The following SLC35F1 variants were observed in gnomAD, a reference collection of about 807,000 sequenced individuals.
SLC35F1 encodes the protein chromosome 6 open reading frame 169.
In SLC35F1, 14 loss-of-function variants were observed where a neutral mutation model predicts 48.7. That is an observed-to-expected ratio of 0.29 (90% confidence interval 0.19 to 0.45). The LOEUF is 0.45. Among genes scored for constraint, SLC35F1 ranks in the 20% least tolerant of loss-of-function variants. The pLI, the probability that SLC35F1 is intolerant of heterozygous loss-of-function variation, is 1.00. For missense variants in SLC35F1, 404 were observed against 500.0 expected, an observed-to-expected ratio of 0.81 and a Z score of 1.83; for synonymous variants, 190 against 202.2, an observed-to-expected ratio of 0.94 and a Z score of 0.51.
intron 1 of SLC35F1, among the ~76,000 whole-genome samples, chr6:117,908,205 C>T (rs1432561164): frequency 2.0e-5 from 3 of 152,242 alleles, no homozygotes; most frequent in African/African-American, 7.2e-5. Context: ...CATACGCGTG[C>T]CGCCTCACTT....
At chr6:117,963,790 AT>A (rs919800610) in intron 1 of SLC35F1, among the ~76,000 whole-genome samples, 3 of 151,588 alleles carry the variant, frequency 2.0e-5, no homozygotes, top group East Asian at 1.9e-4. Context: ...CCACCACTTT[AT>A]TTTTTTTAAA....
At chr6:117,961,340 C>T (rs1352663499) in intron 1 of SLC35F1, among the ~76,000 whole-genome samples, 1 of 152,200 alleles carries the variant, frequency 6.6e-6, no homozygotes, top group Non-Finnish European at 1.5e-5. Flanking sequence ...AGGCAGGACA[C>T]CAAGACCCCT....
rs116216543 is a variant in SLC35F1, at chr6:118,275,997, A to G, written c.794+382A>G. 5.0e-3 allele frequency among the ~76,000 whole-genome samples: 767 copies of G among 152,322 alleles called. 7 individuals are homozygous for G. Among genetic ancestry groups the G allele is most frequent in the African/African-American group, 0.018 (734 of 41,570 alleles). On this transcript the variant is annotated intron_variant, in intron 5 of 7. Coordinates refer to ENST00000360388, the MANE Select transcript of SLC35F1 (RefSeq NM_001029858.4). ...TTCTGTCTACTAGTGACAACCACCA[A>G]TAGAAAACTTATAGTATAAAATTAC...
intron 7 of SLC35F1, 142 bp downstream of exon 7, chr6:118,285,480 G>T: frequency 1.1e-6 from 1 of 893,082 alleles, no homozygotes; most frequent in South Asian, 1.6e-5. Context: ...CATGATTTAG[G>T]TATTCACATT....
chr6:118,018,224 A>G (rs1417345658), intron 1 of SLC35F1, among the ~76,000 whole-genome samples: 2 of 152,110 alleles, frequency 1.3e-5, no homozygotes, highest in African/African-American at 4.8e-5. Flanking sequence ...TACAAAAATT[A>G]GCAGGGCGCA....
chr6:118,284,127 G>C (rs115634607), intron 6 of SLC35F1, among the ~76,000 whole-genome samples: 1 of 152,116 alleles, frequency 6.6e-6, no homozygotes, highest in Admixed American at 6.5e-5. Flanking sequence ...ATGAATCCCT[G>C]GTCTTCATAG....
chr6:118,178,206 C>T (rs1028434914), intron 2 of SLC35F1, among the ~76,000 whole-genome samples: 6 of 151,924 alleles, frequency 3.9e-5, no homozygotes, highest in Non-Finnish European at 8.8e-5. Flanking sequence ...TTTTTACCAT[C>T]CCCCAAAGCA....
chr6:118,309,169 A>ATGTGTGTGTGTGTG (rs57832608), intron 7 of SLC35F1, among the ~76,000 whole-genome samples: 1 of 148,104 alleles, frequency 6.8e-6, no homozygotes, highest in Non-Finnish European at 1.5e-5. Flanking sequence ...GGGCCTGTAG[A>ATGTGTGTGTGTGTG]TGTGTGTGTG....
intron 2 of SLC35F1, among the ~76,000 whole-genome samples, chr6:118,164,606 T>C (rs1257008977): frequency 2.0e-5 from 3 of 152,216 alleles, no homozygotes; most frequent in South Asian, 2.1e-4. Flanking sequence ...AAAAAACTTA[T>C]AGGACAGTGT....
chr6:118,035,284 G>A (rs1371844582), intron 1 of SLC35F1, among the ~76,000 whole-genome samples: 8 of 152,006 alleles, frequency 5.3e-5, no homozygotes, highest in African/African-American at 1.9e-4. Flanking sequence ...GTACTCGGGG[G>A]TTTATGCATT....
chr6:118,213,108 T>C (rs1221602147), intron 2 of SLC35F1, among the ~76,000 whole-genome samples: 1 of 152,190 alleles, frequency 6.6e-6, no homozygotes, highest in Non-Finnish European at 1.5e-5. Flanking sequence ...TGCATAAGTA[T>C]GTACTCCAGT....
Position 118,227,419 on chromosome 6 carries a change from G to A in SLC35F1, c.350-8090G>A, listed in dbSNP as rs538799520. Among the ~76,000 whole-genome samples the A allele has an allele frequency of 4.6e-5, 7 of 152,256 alleles. No homozygotes were observed. In the East Asian group the frequency reaches 5.8e-4, roughly 13 times the overall value. On this transcript the variant is annotated intron_variant, in intron 2 of 7. Transcript: ENST00000360388. The stretch of plus-strand genomic sequence containing the variant: ...ATGGATTACATTTTAGGAGGCTGAC[G>A]GTATTTATGAAGAAATGTGTCTGTT...
In SLC35F1 at chr6:118,095,350, C is replaced by T. The variant is rs536483337; in HGVS notation, c.174-59095C>T. The stretch of plus-strand genomic sequence containing the variant: ...CACTCCAACAAGGACATGGAGGAGG[C>T]GTGTAACCTCAGGCACATCATTCCA... On this transcript the variant is annotated intron_variant, in intron 1 of 7. Transcript: ENST00000360388. 7.2e-5 allele frequency among the ~76,000 whole-genome samples: 11 copies of T among 152,262 alleles called. 1 individual carries two copies. The highest frequency in any genetic ancestry group is 2.1e-4 in the South Asian group (1 of 4,820).
At chr6:118,063,336 T>A (rs1772568171) in intron 1 of SLC35F1, among the ~76,000 whole-genome samples, 1 of 152,198 alleles carries the variant, frequency 6.6e-6, no homozygotes, top group South Asian at 2.1e-4. Flanking sequence ...TATGCTACTG[T>A]CCTCACCTAG....
chr6:118,027,619 C>T (rs1224909453), intron 1 of SLC35F1, among the ~76,000 whole-genome samples: 4 of 151,998 alleles, frequency 2.6e-5, no homozygotes, highest in Non-Finnish European at 4.4e-5. Context: ...CCCCTCACCT[C>T]GCCCTGCCAA....
chr6:118,248,701 A>G (rs1775537395), intron 3 of SLC35F1, among the ~76,000 whole-genome samples: 1 of 152,252 alleles, frequency 6.6e-6, no homozygotes, highest in South Asian at 2.1e-4. Flanking sequence ...TCTGACCTCC[A>G]GAACTATAAG....
chr6:117,966,710 T>C (rs1353585015), intron 1 of SLC35F1, among the ~76,000 whole-genome samples: 4 of 152,244 alleles, frequency 2.6e-5, no homozygotes, highest in African/African-American at 9.6e-5. Context: ...ATCTTCTCCC[T>C]GTGTCTTCAC....
intron 1 of SLC35F1, among the ~76,000 whole-genome samples, chr6:118,061,590 G>GTATATATATATATATATATATATATA (rs58046512): frequency 2.1e-5 from 3 of 144,384 alleles, no homozygotes; most frequent in African/African-American, 7.7e-5. Context: ...GTGTGTGTGT[G>GTATATATATATATATATATATATATA]TATATATATA....
chr6:118,248,414 T>C (rs773196303), intron 3 of SLC35F1, among the ~76,000 whole-genome samples: 3 of 152,226 alleles, frequency 2.0e-5, no homozygotes, highest in Non-Finnish European at 4.4e-5. Context: ...GGTGAGATTA[T>C]TCTGAATTAT....
Sources: allele counts gnomAD v4.1 joint callset (sites outside exome capture counted in the v4.1 genomes callset), GRCh38; gene constraint gnomAD v4.1.1; transcripts MANE v1.5; gene names NCBI Gene and HGNC (gene_info 2026-07-23, HGNC 2026-07-21).